Variants in RP2 observed in about 807,000 individuals in gnomAD.
The protein encoded by RP2 is protein XRP2.
RP2 carries 3 observed loss-of-function variants against 20.3 expected under a neutral mutation model. The ratio of observed to expected loss-of-function variants is 0.15; its 90% CI spans 0.07 to 0.38. The LOEUF is 0.38. Among genes scored for constraint, RP2 ranks in the 10% least tolerant of loss-of-function variants. RP2 has a pLI of 1.00. For synonymous variants in RP2, 75 were observed against 94.8 expected (o/e 0.79, Z 1.22); for missense variants, 233 against 268.5 (o/e 0.87, Z 0.92).
rs1217163819 is a variant in RP2, at chrX:46,881,774, CATG to C, written c.*2011_*2013del. ...ACAGGTGTGAGCTACCGCGCCTGGCCATGATGATATTATTAAACACCATTATTC... is the reference window on the plus strand; with the variant it reads ...ACAGGTGTGAGCTACCGCGCCTGGCCATGATATTATTAAACACCATTATTC... On this transcript the variant is annotated 3_prime_UTR_variant, in exon 5 of 5. Coordinates refer to ENST00000218340, the MANE Select transcript of RP2 (RefSeq NM_006915.3). 9.0e-6 allele frequency: 1 copy of C among 111,277 alleles called. No homozygotes were observed. Among genetic ancestry groups the C allele is most frequent in the African/African-American group, 3.3e-5 (1 of 30,638 alleles). 9.2% of individuals were successfully genotyped at this position (111,277 alleles called of 1,213,427 possible).
intron 3 of RP2, among the ~76,000 whole-genome samples, chrX:46,873,287 GT>G (rs1320103595): frequency 9.0e-6 from 1 of 111,104 alleles, no homozygotes; most frequent in Non-Finnish European, 1.9e-5. Flanking sequence ...AATCTTTTTT[GT>G]CTGCTTCAGA....
chrX:46,854,163 A>G, intron 2 of RP2, 22 bp downstream of exon 2: 2 of 1,168,402 alleles, frequency 1.7e-6, no homozygotes, highest in Non-Finnish European at 2.3e-6. Context: ...GAGAAGAGAA[A>G]TAGTCATACA....
chrX:46,876,637 C>A (rs1556327720), intron 3 of RP2, among the ~76,000 whole-genome samples: 1 of 111,094 alleles, frequency 9.0e-6, no homozygotes, highest in Non-Finnish European at 1.9e-5. Context: ...AAAAAAAAAT[C>A]ACAAGCCTTC....
At chrX:46,859,420 T>C (rs1002333152) in intron 2 of RP2, among the ~76,000 whole-genome samples, 8 of 108,021 alleles carry the variant, frequency 7.4e-5, no homozygotes, top group Non-Finnish European at 1.5e-4. Flanking sequence ...ACCCAGGCGT[T>C]TGAGGCTGCA....
intron 3 of RP2, among the ~76,000 whole-genome samples, chrX:46,863,447 C>G (rs896082720): frequency 5.4e-5 from 6 of 111,979 alleles, no homozygotes; most frequent in African/African-American, 1.9e-4. Flanking sequence ...TTGGGGAAAA[C>G]TTTTAAGCTG....
chrX:46,878,152 A>G (rs1427975939), intron 4 of RP2, among the ~76,000 whole-genome samples: 1 of 110,069 alleles, frequency 9.1e-6, no homozygotes, highest in Non-Finnish European at 1.9e-5. Flanking sequence ...AGGTGGGCGG[A>G]TCACGAGGTC....
chrX:46,861,066 C>A (rs1925053982), intron 3 of RP2, among the ~76,000 whole-genome samples: 1 of 111,674 alleles, frequency 9.0e-6, no homozygotes, highest in East Asian at 2.8e-4. Flanking sequence ...GTAGGAAATT[C>A]TGACCTGGCC....
At chrX:46,845,615 C>T (rs1556315953) in intron 1 of RP2, among the ~76,000 whole-genome samples, 1 of 111,885 alleles carries the variant, frequency 8.9e-6, no homozygotes, top group African/African-American at 3.2e-5. Context: ...GTCAGCCCCA[C>T]TCCCAGCTCC....
intron 3 of RP2, among the ~76,000 whole-genome samples, chrX:46,872,294 G>A (rs1925306004): frequency 1.8e-5 from 2 of 112,145 alleles, no homozygotes; most frequent in South Asian, 3.7e-4. Context: ...GTTGGTTTTT[G>A]CTTTTCAATC....
intron 3 of RP2, among the ~76,000 whole-genome samples, chrX:46,869,641 C>T (rs1375634661): frequency 4.3e-5 from 3 of 70,180 alleles, no homozygotes; most frequent in Admixed American, 1.9e-4. Context: ...CAGAGTTTTG[C>T]TCTTGTTGCC....
rs782376134 is a variant in RP2 at position 46,864,232 on chromosome X, G to A, written c.883+4130G>A. Among the ~76,000 whole-genome samples, 258 of 111,674 alleles carry A rather than the reference G, an allele frequency of 2.3e-3. 1 individual carries two copies. The highest frequency in any genetic ancestry group is 7.3e-3 in the African/African-American group (225 of 30,787). On this transcript the variant is annotated intron_variant, in intron 3 of 4. Coordinates refer to ENST00000218340, the MANE Select transcript of RP2 (RefSeq NM_006915.3). ...TGGGAGGATCACCTGAGCCCAGGGA[G>A]GTTGAGGCTGCAGTGACCCATGATC...
At chrX:46,847,076 G>A (rs1371105847) in intron 1 of RP2, among the ~76,000 whole-genome samples, 1 of 110,606 alleles carries the variant, frequency 9.0e-6, no homozygotes, top group African/African-American at 3.3e-5. Context: ...GTGTAGTGAT[G>A]TTTCATTGTA....
Position 46,860,087 on chromosome X carries a change from C to T in RP2, c.868C>T (p.Pro290Ser). ...VFREKAPDFL[P>S]LLNKGPVIAL... ...TCGGGAAAAAGCACCTGACTTCCTTCCTCTTCTGAACAAAGGTACCTTCTG... is the reference window on the plus strand; with the variant it reads ...TCGGGAAAAAGCACCTGACTTCCTTTCTCTTCTGAACAAAGGTACCTTCTG... Residue 290 changes from proline to serine, a missense_variant, in exon 3 of 5, where the codon CCT (proline) becomes TCT (serine). Coordinates refer to ENST00000218340, the MANE Select transcript of RP2 (RefSeq NM_006915.3). 8.4e-7 allele frequency: 1 copy of T among 1,193,188 alleles called. No individual in the cohort carries two copies. The highest frequency in any genetic ancestry group is 1.1e-6 in the Non-Finnish European group (1 of 878,591).
At chrX:46,873,121 A>T (rs1259891525) in intron 3 of RP2, among the ~76,000 whole-genome samples, 1 of 111,723 alleles carries the variant, frequency 9.0e-6, no homozygotes, top group African/African-American at 3.3e-5. Flanking sequence ...GAGGAATGTC[A>T]TGGTCCTTTT....
chrX:46,844,129 A>T (rs1924670347), intron 1 of RP2, among the ~76,000 whole-genome samples: 1 of 112,270 alleles, frequency 8.9e-6, no homozygotes, highest in Admixed American at 9.5e-5. Context: ...TTTAAAAAAT[A>T]TATTTTTGAC....
chrX:46,865,770 A>G (rs1268157994), intron 3 of RP2, among the ~76,000 whole-genome samples: 2 of 111,129 alleles, frequency 1.8e-5, no homozygotes, highest in African/African-American at 3.3e-5. Context: ...TCTACTAAAA[A>G]TACATAAATT....
intron 3 of RP2, among the ~76,000 whole-genome samples, chrX:46,871,114 C>T (rs1035518021): frequency 1.9e-5 from 2 of 104,211 alleles, no homozygotes; most frequent in African/African-American, 3.5e-5. Flanking sequence ...CTCCGCCTCC[C>T]GGGTTCAAGC....
chrX:46,852,373 T>G (rs1924878538), intron 1 of RP2, among the ~76,000 whole-genome samples: 1 of 111,979 alleles, frequency 8.9e-6, no homozygotes, highest in South Asian at 3.7e-4. Context: ...TGGCCAAATT[T>G]GAAAAATTGC....
At chrX:46,845,856 G>A (rs782810205) in intron 1 of RP2, among the ~76,000 whole-genome samples, 16 of 110,149 alleles carry the variant, frequency 1.5e-4, no homozygotes, top group African/African-American at 2.3e-4. Context: ...CTCAGCCTCC[G>A]GGGCTCAAGT....
Sources: allele counts gnomAD v4.1 joint callset (sites outside exome capture counted in the v4.1 genomes callset), GRCh38; gene constraint gnomAD v4.1.1; transcripts MANE v1.5; gene names NCBI Gene and HGNC (gene_info 2026-07-23, HGNC 2026-07-21).